COMP: variants seen among roughly 807,000 people sequenced by gnomAD.
COMP encodes cartilage oligomeric matrix protein, also known as cartilage oligomeric matrix protein (pseudoachondroplasia, epiphyseal dysplasia 1, multiple).
In COMP, 79 loss-of-function variants were observed where a neutral mutation model predicts 95.8. The observed-to-expected ratio is 0.82, with a 90% CI of 0.69 to 0.99. COMP has a LOEUF of 0.99. Ranked by LOEUF, COMP falls within the 50% of genes least tolerant of loss-of-function variation. The probability of loss-of-function intolerance (pLI) is 0.00; values close to 1 mark genes in which losing one functional copy is unlikely to be tolerated. For missense variants in COMP, 906 were observed against 1,076.1 expected (o/e 0.84, Z 2.21); for synonymous variants, 438 against 433.9 (o/e 1.01, Z -0.12).
Position 18,788,889 on chromosome 19 carries a change from C to T in COMP, c.553G>A (p.Glu185Lys). The T allele has an allele frequency of 6.2e-7, 1 of 1,613,936 alleles. No individual in the cohort carries two copies. The highest frequency in any genetic ancestry group is 1.1e-5 in the South Asian group (1 of 91,044). ...GGGACGCAGTTATGTTGCCCGGTCTCACACTCGTTGATGTCCGTGCAAACC... is the reference window on the plus strand; with the variant it reads ...GGGACGCAGTTATGTTGCCCGGTCTTACACTCGTTGATGTCCGTGCAAACC... ...KQVCTDINEC[E>K]TGQHNCVPNS... The change falls in exon 6 of 19, where the codon GAG (glutamate) becomes AAG (lysine). Residue 185 changes from glutamate to lysine, a missense_variant. Physicochemically the swap from Glu to Lys is moderately conservative, Grantham distance 56 (BLOSUM62 1). Coordinates refer to ENST00000222271, the MANE Select transcript of COMP (RefSeq NM_000095.3). The surrounding 1 kb of genome is among the most constrained non-coding windows in gnomAD (Gnocchi z 4.7).
chr19:18,789,024 G>A lies in COMP; in HGVS notation c.529-111C>T. The A allele has an allele frequency of 5.2e-6, 8 of 1,542,222 alleles. No homozygotes were observed. The South Asian group carries it at 8.1e-5, about 16-fold the overall frequency. ...TCTCCCCTCCATCCTGCCCCAAACC[G>A]ATCAGCCCTGGCGCAGCGGACCCCT... is the stretch of plus-strand genomic sequence containing the variant. On this transcript the variant is annotated intron_variant, in intron 5 of 18. Transcript: ENST00000222271. The surrounding 1 kb of genome is among the most constrained non-coding windows in gnomAD (Gnocchi z 6.1).
intron 17 of COMP, among the ~76,000 whole-genome samples, chr19:18,783,587 T>A (rs996459241): frequency 2.0e-5 from 3 of 150,636 alleles, no homozygotes; most frequent in Admixed American, 2.0e-4. Context: ...GCTGGGACCA[T>A]GGGCACGTGC....
chr19:18,783,236 C>G, intron 17 of COMP, 43 bp from the exon 18 acceptor site: 1 of 1,598,364 alleles, frequency 6.3e-7, no homozygotes, highest in East Asian at 2.2e-5. Flanking sequence ...CTGGGCCAGA[C>G]CCTTCCCTCT....
Position 18,784,462 on chromosome 19 carries a change from C to T in COMP, c.1915-99G>A, listed in dbSNP as rs987758444. On this transcript the variant is annotated intron_variant, in intron 16 of 18. Transcript: ENST00000222271. This position sits in a 1 kb window ranked among gnomAD's most constrained non-coding sequence, Gnocchi z 4.9. ...ACAGTTGGGAGCAGCAGGTGGTGGG[C>T]GGCCAGGGGGATCCGGATGAGAGAC... 23 of 1,415,108 alleles carry T rather than the reference C, an allele frequency of 1.6e-5. No homozygotes were observed. Among genetic ancestry groups the T allele is most frequent in the South Asian group, 5.9e-5 (5 of 84,858 alleles). The allele number at this position is 1,415,108 out of a possible 1,614,324, so 87.7% of individuals were successfully genotyped here.
chr19:18,788,786 C>T lies in COMP; in HGVS notation c.604-36G>A. On this transcript the variant is annotated intron_variant, in intron 6 of 18. Transcript: ENST00000222271. This position sits in a 1 kb window ranked among gnomAD's most constrained non-coding sequence, Gnocchi z 4.7. ...GCCGCCGGAGGTCAGCGCAGGCCGC[C>T]CGCCGCTCGCCCCACCTCCCGCGAT... 1 of 1,606,564 alleles carries T rather than the reference C, an allele frequency of 6.2e-7. No homozygotes were observed. The highest frequency in any genetic ancestry group is 1.3e-5 in the African/African-American group (1 of 74,978).
chr19:18,789,133 C>T lies in COMP; in HGVS notation c.528+27G>A. On this transcript the variant is annotated intron_variant, in intron 5 of 18. Transcript: ENST00000222271. This position sits in a 1 kb window ranked among gnomAD's most constrained non-coding sequence, Gnocchi z 6.1. ...ATGGACGCCCCCTTCCCTTCTGCTC[C>T]AAAAATGGGGCCCCCACACCTCTCA... is the stretch of plus-strand genomic sequence containing the variant. 6.3e-7 allele frequency: 1 copy of T among 1,581,178 alleles called. No individual in the cohort carries two copies. Among genetic ancestry groups the T allele is most frequent in the East Asian group, 2.2e-5 (1 of 44,544 alleles).
At position 18,785,041 on chromosome 19, in the gene COMP, G is replaced by A. The variant is rs769742047; in HGVS notation, c.1769C>T (p.Thr590Met). ...VDFEGTFHVN[T>M]VTDDDYAGFI... Reference sequence around the variant, plus strand: ...GCCCGCATAGTCGTCATCCGTGACCGTGTTCACATGGAACGTGCCCTCGAA... The same window carrying A: ...GCCCGCATAGTCGTCATCCGTGACCATGTTCACATGGAACGTGCCCTCGAA... Residue 590 changes from threonine to methionine, a missense_variant, in exon 16 of 19, where the codon ACG becomes ATG. Thr to Met is a moderately conservative substitution (Grantham distance 81). Coordinates refer to ENST00000222271, the MANE Select transcript of COMP (RefSeq NM_000095.3). The A allele has an allele frequency of 1.2e-6, 2 of 1,614,102 alleles. No individual in the cohort carries two copies. The highest frequency in any genetic ancestry group is 1.7e-5 in the Admixed American group (1 of 60,016).
In COMP at chr19:18,789,252, T is replaced by C; in HGVS notation, c.436A>G (p.Ser146Gly). ...CAAGCCTCGCAGCGGAACCCCGGGC[T>C]GGTGTTGATACAGCGGACTCGGGGG... ...CFPRVRCINTSPGFRCEACPP... is the reference protein window; with the variant it reads ...CFPRVRCINTGPGFRCEACPP... Residue 146 changes from serine to glycine, a missense_variant, in exon 5 of 19, where the codon AGC becomes GGC. Physicochemically the swap from Ser to Gly is moderately conservative, Grantham distance 56. Transcript: ENST00000222271. This position sits in a 1 kb window ranked among gnomAD's most constrained non-coding sequence, Gnocchi z 6.1. 3 of 1,522,830 alleles carry C rather than the reference T, an allele frequency of 2.0e-6. No individual in the cohort carries two copies. The highest frequency in any genetic ancestry group is 2.7e-5 in the South Asian group (2 of 74,594). 94.3% of individuals were successfully genotyped at this position (1,522,830 alleles called of 1,614,324 possible). A position where few individuals can be genotyped will look rare whatever the true frequency, so the allele number is the denominator to read the frequency against.
rs1252611211 is a variant in COMP at position 18,788,613 on chromosome 19, G to T, written c.741C>A (p.Arg247=). Reference sequence around the variant, plus strand: ...TCACCACGCACGACCGCGAGCCATCGCGCTCTAGGACGCAGTCTGCATGCT... The same window carrying T: ...TCACCACGCACGACCGCGAGCCATCTCGCTCTAGGACGCAGTCTGCATGCT... ...CHEHADCVLE[R]DGSRSCVCAV... The change falls in exon 7 of 19, where the codon CGC becomes CGA. Residue 247 remains arginine, a synonymous_variant. Coordinates refer to ENST00000222271, the MANE Select transcript of COMP (RefSeq NM_000095.3). This position sits in a 1 kb window ranked among gnomAD's most constrained non-coding sequence, Gnocchi z 4.7. 1 of 1,550,610 alleles carries T rather than the reference G, an allele frequency of 6.4e-7. No individual in the cohort carries two copies.
chr19:18,789,277 G>C lies in COMP; in HGVS notation c.411C>G (p.Phe137Leu). The change falls in exon 5 of 19, where the codon TTC becomes TTG. Residue 137 changes from phenylalanine (F) to leucine (L), a missense_variant. By Grantham distance (22) the Phe-to-Leu change is conservative. Coordinates refer to ENST00000222271, the MANE Select transcript of COMP (RefSeq NM_000095.3). The surrounding 1 kb of genome is among the most constrained non-coding windows in gnomAD (Gnocchi z 6.1). ...DVNECNAHPC[F>L]PRVRCINTSP... ...TGGTGTTGATACAGCGGACTCGGGG[G>C]AAGCAGGGGTGGGCGTTGCACTGGG... The C allele has an allele frequency of 6.7e-7, 1 of 1,501,938 alleles. No homozygotes were observed. The highest frequency in any genetic ancestry group is 8.9e-7 in the Non-Finnish European group (1 of 1,128,968). The allele number at this position is 1,501,938 out of a possible 1,614,324, so 93.0% of individuals were successfully genotyped here. A position where few individuals can be genotyped will look rare whatever the true frequency, so the allele number is the denominator to read the frequency against.
rs1339902349 is a variant in COMP at position 18,784,472 on chromosome 19, G to C, written c.1915-109C>G. The C allele has an allele frequency of 2.3e-6, 3 of 1,312,754 alleles. No homozygotes were observed. The highest frequency in any genetic ancestry group is 3.2e-6 in the Non-Finnish European group (3 of 928,422). 81.3% of individuals were successfully genotyped at this position (1,312,754 alleles called of 1,614,324 possible). On this transcript the variant is annotated intron_variant, in intron 16 of 18. Transcript: ENST00000222271. The surrounding 1 kb of genome is among the most constrained non-coding windows in gnomAD (Gnocchi z 4.9). ...GCAGCAGGTGGTGGGCGGCCAGGGG[G>C]ATCCGGATGAGAGACCCACAAGGAA...
rs779591022 is a variant in COMP, at chr19:18,784,346, T to C, written c.1932A>G (p.Thr644=). The change falls in exon 17 of 19, where the codon ACA becomes ACG. Residue 644 remains threonine, a synonymous_variant. Coordinates refer to ENST00000222271, the MANE Select transcript of COMP (RefSeq NM_000095.3). The surrounding 1 kb of genome is among the most constrained non-coding windows in gnomAD (Gnocchi z 4.9). The stretch of plus-strand genomic sequence containing the variant: ...CGTTCCGCAGCTGTTCCCCGGGGCC[T>C]GTGGAAGACTTCACAGCCTGCCAAT... ...GIQLKAVKSS[T]GPGEQLRNAL... is the part of the protein sequence containing the mutation. 1.9e-6 allele frequency: 3 copies of C among 1,613,968 alleles called. No homozygotes were observed. The highest frequency in any genetic ancestry group is 2.5e-6 in the Non-Finnish European group (3 of 1,180,028).
chr19:18,783,323 T>A, intron 17 of COMP, 130 bp from the exon 18 acceptor site: 3 of 1,297,988 alleles, frequency 2.3e-6, no homozygotes, highest in African/African-American at 1.5e-5. Context: ...GCCTCTGCCT[T>A]GGGCCTCAGT....
chr19:18,786,761 AGCT>A, intron 10 of COMP, 111 bp from the exon 11 acceptor site: 1 of 365,956 alleles, frequency 2.7e-6, no homozygotes, highest in Non-Finnish European at 4.8e-6. Context: ...ACTTCATGGA[AGCT>A]TTTTTTTTTT....
chr19:18,786,368 G>A, intron 11 of COMP, 77 bp from the exon 12 acceptor site: 1 of 1,602,584 alleles, frequency 6.2e-7, no homozygotes, highest in Non-Finnish European at 8.5e-7. Context: ...CAGCCGCACA[G>A]CCAAGGTCCT....
rs1433956976 is a variant in COMP, at chr19:18,787,521, C to T, written c.1105G>A (p.Asp369Asn). ...CCGTCGATGTCGTCGTCGCACGCAT[C>T]GCCCCGGCCGTCCTGGTCTGTGTCC... The part of the protein sequence containing the change: ...QKDTDQDGRG[D>N]ACDDDIDGDR... The change falls in exon 10 of 19, where the codon GAT becomes AAT. Residue 369 changes from aspartate (D) to asparagine (N), a missense_variant. Coordinates refer to ENST00000222271, the MANE Select transcript of COMP (RefSeq NM_000095.3). 6.2e-7 allele frequency: 1 copy of T among 1,613,730 alleles called. No individual in the cohort carries two copies. Among genetic ancestry groups the T allele is most frequent in the South Asian group, 1.1e-5 (1 of 91,086 alleles).
chr19:18,783,700 C>T (rs1027726977), intron 17 of COMP, among the ~76,000 whole-genome samples: 2 of 151,754 alleles, frequency 1.3e-5, no homozygotes, highest in Non-Finnish European at 2.9e-5. Flanking sequence ...ACTTCCGCTT[C>T]CCGAGTTCAA....
chr19:18,786,763 CTTTTTTTTTTTTTTTT>C (rs10577504), intron 10 of COMP, 113 bp from the exon 11 acceptor site: 628 of 283,140 alleles, frequency 2.2e-3, no homozygotes, highest in East Asian at 4.2e-3. Flanking sequence ...TTCATGGAAG[CTTTTTTTTTTTTTTTT>C]TTTTTTTTTT....
chr19:18,786,150 G>A lies in COMP; in HGVS notation c.1308-4C>T, dbSNP rs370788977. 2 of 1,614,160 alleles carry A rather than the reference G, an allele frequency of 1.2e-6. No homozygotes were observed. The highest frequency in any genetic ancestry group is 2.7e-5 in the African/African-American group (2 of 75,072). ...GTCCTGATGTCCGTCTCCATCCCTA[G>A]AGTGGATAGGTGGGATCCAGAGACA... On this transcript the variant is annotated splice_region_variant and splice_polypyrimidine_tract_variant and intron_variant, in intron 12 of 18. Coordinates refer to ENST00000222271, the MANE Select transcript of COMP (RefSeq NM_000095.3).
Sources: allele counts gnomAD v4.1 joint callset (sites outside exome capture counted in the v4.1 genomes callset), GRCh38; gene constraint gnomAD v4.1.1; non-coding constraint Gnocchi (gnomAD v3.1); transcripts MANE v1.5; gene names NCBI Gene and HGNC (gene_info 2026-07-23, HGNC 2026-07-21).